Variants in CYP2C18 observed in about 807,000 individuals in gnomAD.
The protein encoded by CYP2C18 is cytochrome P450 2C18.
Under a neutral mutation model 41.3 loss-of-function variants are expected in CYP2C18, and 38 were observed. That is an observed-to-expected ratio of 0.92 (90% CI 0.71 to 1.21). The LOEUF (loss-of-function observed/expected upper bound fraction) is 1.21. CYP2C18 is among the 50% of genes most tolerant of loss of function. The pLI is 0.00. For synonymous variants in CYP2C18, 236 were observed against 210.0 expected, an observed-to-expected ratio of 1.12 and a Z score of -1.07; for missense variants, 635 against 591.4, an observed-to-expected ratio of 1.07 and a Z score of -0.77.
chr10:94,695,034 A>C lies in CYP2C18; in HGVS notation c.599A>C (p.Lys200Thr), dbSNP rs1847088324. ...CAGAGGTTTCTTAACTTGATGGAAA[A>C]ATTCAATGAAAACCTCAGGATTCTG... ...KDQRFLNLME[K>T]FNENLRILSS... The change falls in exon 4 of 9, where the codon AAA (lysine) becomes ACA (threonine). Residue 200 changes from lysine to threonine, a missense_variant. By Grantham distance (78) the Lys-to-Thr change is moderately conservative. Coordinates refer to ENST00000285979, the MANE Select transcript of CYP2C18 (RefSeq NM_000772.3). 2 of 1,613,004 alleles carry C rather than the reference A, an allele frequency of 1.2e-6. No individual in the cohort carries two copies. Among genetic ancestry groups the C allele is most frequent in the South Asian group, 1.1e-5 (1 of 90,986 alleles).
intron 4 of CYP2C18, among the ~76,000 whole-genome samples, chr10:94,698,286 A>C (rs1847162214): frequency 6.6e-6 from 1 of 152,266 alleles, no homozygotes; most frequent in African/African-American, 2.4e-5. Flanking sequence ...ACTGTCTCTC[A>C]GACCATGGTG....
chr10:94,728,967 C>T (rs1488202298), intron 7 of CYP2C18, among the ~76,000 whole-genome samples: 4 of 152,090 alleles, frequency 2.6e-5, no homozygotes, highest in Admixed American at 6.6e-5. Flanking sequence ...TTAAGAGCCT[C>T]GGGAGGGGAC....
In CYP2C18 at chr10:94,688,230, A is replaced by T. The variant is rs925864881; in HGVS notation, c.437A>T (p.Gln146Leu). Residue 146 changes from glutamine (Q) to leucine (L), a missense_variant, in exon 3 of 9, where the codon CAA becomes CTA. Physicochemically the swap from Gln to Leu is moderately radical, Grantham distance 113. Transcript: ENST00000285979. ...AAGAGGAGCATCGAGGACCGTGTTC[A>T]AGAGGAAGCCCGCTGCCTTGTGGAG... ...MGKRSIEDRV[Q>L]EEARCLVEEL... The T allele has an allele frequency of 1.2e-6, 2 of 1,613,662 alleles. No individual in the cohort carries two copies. The highest frequency in any genetic ancestry group is 1.7e-6 in the Non-Finnish European group (2 of 1,179,696).
At chr10:94,695,773 C>G (rs185311909) in intron 4 of CYP2C18, among the ~76,000 whole-genome samples, 1 of 152,226 alleles carries the variant, frequency 6.6e-6, no homozygotes, top group East Asian at 1.9e-4. Context: ...AAAATCGGGT[C>G]ACTCCCACCC....
intron 4 of CYP2C18, among the ~76,000 whole-genome samples, chr10:94,697,870 A>G (rs1382185245): frequency 1.3e-5 from 2 of 152,234 alleles, no homozygotes; most frequent in African/African-American, 4.8e-5. Context: ...AACAAAGATC[A>G]AAAGAGACAA....
intron 5 of CYP2C18, among the ~76,000 whole-genome samples, chr10:94,707,402 A>T (rs1255157070): frequency 1.3e-5 from 2 of 152,136 alleles, no homozygotes; most frequent in Admixed American, 6.6e-5. Flanking sequence ...GAACAGTGTG[A>T]TGACAGGTTC....
At chr10:94,690,832 A>C (rs1846984926) in intron 3 of CYP2C18, among the ~76,000 whole-genome samples, 1 of 152,240 alleles carries the variant, frequency 6.6e-6, no homozygotes, top group Non-Finnish European at 1.5e-5. Flanking sequence ...CACCATAATC[A>C]AGTAGGCTTC....
intron 3 of CYP2C18, among the ~76,000 whole-genome samples, chr10:94,692,842 TA>T (rs1272408657): frequency 7.2e-5 from 11 of 152,160 alleles, no homozygotes; most frequent in African/African-American, 2.6e-4. Context: ...TATGCAGCCA[TA>T]AAAAATGATG....
At chr10:94,701,683 T>C (rs368863597) in intron 4 of CYP2C18, among the ~76,000 whole-genome samples, 1 of 152,182 alleles carries the variant, frequency 6.6e-6, no homozygotes, top group African/African-American at 2.4e-5. Flanking sequence ...TGTACACAGT[T>C]GTTCCCAGTT....
chr10:94,735,503 G>A lies in CYP2C18; in HGVS notation c.*59G>A. The A allele has an allele frequency of 6.5e-7, 1 of 1,532,856 alleles. No homozygotes were observed. Among genetic ancestry groups the A allele is most frequent in the Non-Finnish European group, 9.0e-7 (1 of 1,108,916 alleles). 95.0% of individuals were successfully genotyped at this position (1,532,856 alleles called of 1,614,324 possible). Reference sequence around the variant, plus strand: ...TCACCTGCAATTCTCCCTTATCAGGGCCATTGGCCTCTCCCTTCTCTCTGT... The same window carrying A: ...TCACCTGCAATTCTCCCTTATCAGGACCATTGGCCTCTCCCTTCTCTCTGT... On this transcript the variant is annotated 3_prime_UTR_variant, in exon 9 of 9. Coordinates refer to ENST00000285979, the MANE Select transcript of CYP2C18 (RefSeq NM_000772.3).
At chr10:94,722,701 T>G (rs922521878) in intron 6 of CYP2C18, among the ~76,000 whole-genome samples, 1 of 152,082 alleles carries the variant, frequency 6.6e-6, no homozygotes, top group Non-Finnish European at 1.5e-5. Context: ...CAACTAATTG[T>G]TTTTCTCCAC....
chr10:94,696,524 TG>T (rs1367223911), intron 4 of CYP2C18, among the ~76,000 whole-genome samples: 2 of 151,874 alleles, frequency 1.3e-5, no homozygotes, highest in South Asian at 2.1e-4. Flanking sequence ...ACCACAAAGA[TG>T]GGGAAAAAAC....
chr10:94,693,626 C>G (rs1487860511), intron 3 of CYP2C18, among the ~76,000 whole-genome samples: 1 of 152,118 alleles, frequency 6.6e-6, no homozygotes, highest in African/African-American at 2.4e-5. Context: ...AACTAATAAT[C>G]CAAAATTATC....
At chr10:94,722,946 C>T (rs1227775132) in intron 6 of CYP2C18, among the ~76,000 whole-genome samples, 1 of 152,096 alleles carries the variant, frequency 6.6e-6, no homozygotes, top group African/African-American at 2.4e-5. Flanking sequence ...AAATTCTTAC[C>T]AAATGTCCAG....
intron 6 of CYP2C18, among the ~76,000 whole-genome samples, chr10:94,723,670 GA>G (rs1847685281): frequency 1.3e-5 from 2 of 152,120 alleles, no homozygotes; most frequent in South Asian, 4.1e-4. Flanking sequence ...GGGGAAGTGT[GA>G]ATGTGTGTGC....
At chr10:94,697,651 G>A (rs1847144724) in intron 4 of CYP2C18, among the ~76,000 whole-genome samples, 1 of 152,152 alleles carries the variant, frequency 6.6e-6, no homozygotes, top group African/African-American at 2.4e-5. Flanking sequence ...AAATGTAAAT[G>A]GGTTAAATGC....
intron 3 of CYP2C18, among the ~76,000 whole-genome samples, chr10:94,690,833 A>G (rs1419826144): frequency 1.3e-5 from 2 of 152,240 alleles, no homozygotes; most frequent in African/African-American, 4.8e-5. Context: ...ACCATAATCA[A>G]GTAGGCTTCA....
Position 94,724,482 on chromosome 10 carries a change from G to C in CYP2C18, c.1098G>C (p.Leu366=). Reference sequence around the variant, plus strand: ...ACATTGACCTCCTCCCCACCAACCTGCCCCATGCAGTGACCTGTGATGTTA... The same window carrying C: ...ACATTGACCTCCTCCCCACCAACCTCCCCCATGCAGTGACCTGTGATGTTA... ...QRYIDLLPTN[L]PHAVTCDVKF... Residue 366 remains leucine, a synonymous_variant, in exon 7 of 9, where the codon CTG becomes CTC. Coordinates refer to ENST00000285979, the MANE Select transcript of CYP2C18 (RefSeq NM_000772.3). 1 of 1,613,450 alleles carries C rather than the reference G, an allele frequency of 6.2e-7. No homozygotes were observed. The highest frequency in any genetic ancestry group is 8.5e-7 in the Non-Finnish European group (1 of 1,179,690).
intron 7 of CYP2C18, chr10:94,728,751 T>TA (rs922702575): frequency 4.9e-5 from 12 of 243,096 alleles, no homozygotes; most frequent in Non-Finnish European, 7.3e-5. Flanking sequence ...TTTTTTTTTT[T>TA]AACAAAAGTT....
Sources: gnomAD v4.1 joint callset for allele counts (sites outside exome capture counted in the v4.1 genomes callset) on GRCh38, gnomAD v4.1.1 for gene constraint, MANE v1.5 for transcripts, NCBI Gene and HGNC (gene_info 2026-07-23, HGNC 2026-07-21) for gene names.